Variants in ARL15 observed in about 807,000 individuals in gnomAD.
The protein encoded by ARL15 is ADP-ribosylation factor-like protein 15.
ARL15 carries 19 observed loss-of-function variants against 25.2 expected under a neutral mutation model. The observed-to-expected ratio is 0.75, with a 90% CI of 0.53 to 1.10. ARL15 has a LOEUF of 1.10. Among genes scored for constraint, ARL15 ranks in the 50% least tolerant of loss-of-function variants. The probability of loss-of-function intolerance (pLI) is 0.00; values close to 1 mark genes in which losing one functional copy is unlikely to be tolerated. For missense variants in ARL15, 220 were observed against 246.0 expected (o/e 0.89, Z 0.71); for synonymous variants, 94 against 86.8 (o/e 1.08, Z -0.46).
intron 4 of ARL15, among the ~76,000 whole-genome samples, chr5:54,110,921 G>C (rs1362566745): frequency 6.6e-6 from 1 of 151,908 alleles, no homozygotes; most frequent in African/African-American, 2.4e-5. Flanking sequence ...TTTCAACAAG[G>C]CATTTTAATA....
intron 1 of ARL15, among the ~76,000 whole-genome samples, chr5:54,214,177 G>A (rs968068958): frequency 6.6e-6 from 1 of 152,174 alleles, no homozygotes; most frequent in Non-Finnish European, 1.5e-5. Context: ...GCTGCTGCAG[G>A]TTAATAAGAA....
chr5:53,896,946 A>G (rs1034610393), intron 4 of ARL15, among the ~76,000 whole-genome samples: 4 of 152,122 alleles, frequency 2.6e-5, no homozygotes, highest in Admixed American at 6.5e-5. Context: ...ATCATTACCT[A>G]CTTCACTGTC....
At chr5:54,143,718 C>T (rs1208233039) in intron 3 of ARL15, among the ~76,000 whole-genome samples, 2 of 141,000 alleles carry the variant, frequency 1.4e-5, no homozygotes, top group African/African-American at 5.6e-5. Context: ...AATCTTTATG[C>T]TTTAAAAAAA....
At chr5:53,987,089 C>CG (rs1220877410) in intron 4 of ARL15, among the ~76,000 whole-genome samples, 1 of 152,144 alleles carries the variant, frequency 6.6e-6, no homozygotes, top group East Asian at 1.9e-4. Context: ...CAGCAGTTAT[C>CG]CCAAGGGCAG....
chr5:54,281,489 C>T (rs553485492), intron 1 of ARL15, among the ~76,000 whole-genome samples: 30 of 152,280 alleles, frequency 2.0e-4, no homozygotes, highest in African/African-American at 7.2e-4. Flanking sequence ...CTCAACCTCA[C>T]GCTATTGACA....
At chr5:54,071,811 AG>A (rs1221362894) in intron 4 of ARL15, among the ~76,000 whole-genome samples, 19 of 151,954 alleles carry the variant, frequency 1.3e-4, no homozygotes, top group Middle Eastern at 6.8e-3. Flanking sequence ...CTCTACTAAA[AG>A]ATACAAAAAA....
In ARL15 at chr5:53,976,227, A is replaced by G. The variant is rs79311693; in HGVS notation, c.463-89514T>C. ...TAGGCAACCACACGAGTACCAAAAT[A>G]GCTGAGTAAGTGGCATGTCAAAAAT... is the stretch of plus-strand genomic sequence containing the variant. On this transcript the variant is annotated intron_variant, in intron 4 of 4. Transcript: ENST00000504924. Among the ~76,000 whole-genome samples the G allele has an allele frequency of 2.6e-4, 40 of 152,320 alleles. 1 individual carries two copies. The East Asian group carries it at 7.7e-3, about 29-fold the overall frequency.
chr5:53,892,091 GACTT>G (rs1744732382), intron 4 of ARL15, among the ~76,000 whole-genome samples: 1 of 152,156 alleles, frequency 6.6e-6, no homozygotes, highest in Non-Finnish European at 1.5e-5. Flanking sequence ...ATAGCACTTG[GACTT>G]ACTTCCACTG....
chr5:53,919,907 C>T (rs536603214), intron 4 of ARL15, among the ~76,000 whole-genome samples: 10 of 152,098 alleles, frequency 6.6e-5, no homozygotes, highest in Non-Finnish European at 1.2e-4. Flanking sequence ...CTTGAACCGA[C>T]GAGTCAGTAA....
chr5:54,296,350 C>A (rs570435082), intron 1 of ARL15, among the ~76,000 whole-genome samples: 1 of 152,182 alleles, frequency 6.6e-6, no homozygotes, highest in South Asian at 2.1e-4. Context: ...TAACTCAATT[C>A]TGCGAGGTAG....
chr5:54,151,130 T>C (rs1208240241), intron 3 of ARL15, among the ~76,000 whole-genome samples: 2 of 152,106 alleles, frequency 1.3e-5, no homozygotes, highest in East Asian at 1.9e-4. Flanking sequence ...AGACTGAGAC[T>C]GTGTAGGGGA....
chr5:53,973,247 G>A (rs1483960875), intron 4 of ARL15, among the ~76,000 whole-genome samples: 1 of 152,032 alleles, frequency 6.6e-6, no homozygotes, highest in Non-Finnish European at 1.5e-5. Flanking sequence ...ACCAGCCTTG[G>A]CAAAATAGTG....
intron 4 of ARL15, among the ~76,000 whole-genome samples, chr5:54,065,606 T>G (rs1361986746): frequency 9.3e-6 from 1 of 107,810 alleles, no homozygotes; most frequent in Non-Finnish European, 1.8e-5. Context: ...GTGGGGTGGT[T>G]GCAGTGAGCC....
rs1561228692 is a variant in ARL15, at chr5:54,113,325, C to A, written c.339G>T (p.Glu113Asp). Residue 113 changes from glutamate to aspartate, a missense_variant, in exon 4 of 5, where the codon GAG (glutamate) becomes GAT (aspartate). Coordinates refer to ENST00000504924, the MANE Select transcript of ARL15 (RefSeq NM_019087.3). ...CATTTCTAGCAGCTTCTAAATCATC[C>A]TCTGAAGAGGCACTGTCTAATACAA... ...VIFVLDSASS[E>D]DDLEAARNEL... 1.9e-6 allele frequency: 3 copies of A among 1,613,960 alleles called. No homozygotes were observed. Among genetic ancestry groups the A allele is most frequent in the African/African-American group, 1.3e-5 (1 of 75,044 alleles).
intron 4 of ARL15, among the ~76,000 whole-genome samples, chr5:54,098,535 G>A (rs534579234): frequency 6.6e-6 from 1 of 152,054 alleles, no homozygotes; most frequent in Non-Finnish European, 1.5e-5. Flanking sequence ...TCAAAAATCT[G>A]TCCATGTCAA....
intron 3 of ARL15, among the ~76,000 whole-genome samples, chr5:54,120,909 C>G (rs1251151173): frequency 3.9e-5 from 6 of 152,214 alleles, no homozygotes; most frequent in Non-Finnish European, 8.8e-5. Flanking sequence ...CTTTCTAGCA[C>G]AACTTGCCAA....
intron 4 of ARL15, among the ~76,000 whole-genome samples, chr5:53,921,468 C>T (rs990124258): frequency 2.0e-5 from 3 of 152,144 alleles, no homozygotes; most frequent in Non-Finnish European, 2.9e-5. Context: ...TAAAAATTAA[C>T]ATGAACTAAT....
intron 4 of ARL15, among the ~76,000 whole-genome samples, chr5:53,916,070 C>T (rs1330068120): frequency 1.3e-5 from 2 of 152,040 alleles, no homozygotes; most frequent in Non-Finnish European, 2.9e-5. Context: ...TTGCACCTGG[C>T]TTTTTAATTT....
intron 4 of ARL15, among the ~76,000 whole-genome samples, chr5:53,929,808 G>T (rs1746144787): frequency 6.6e-6 from 1 of 152,016 alleles, no homozygotes; most frequent in African/African-American, 2.4e-5. Context: ...GCAATGGTGT[G>T]GCAGAATGCA....
Sources: gnomAD v4.1 joint callset for allele counts (sites outside exome capture counted in the v4.1 genomes callset) on GRCh38, gnomAD v4.1.1 for gene constraint, MANE v1.5 for transcripts, NCBI Gene and HGNC (gene_info 2026-07-23, HGNC 2026-07-21) for gene names.